The following CFAP65 variants were observed in gnomAD, a reference collection of about 807,000 sequenced individuals.
CFAP65 encodes the protein cilia and flagella associated protein 65.
A neutral mutation model predicts 208.0 loss-of-function variants in CFAP65; 155 were observed. That is an observed-to-expected ratio of 0.75 (90% CI 0.65 to 0.85). CFAP65 has a LOEUF of 0.85. Among genes scored for constraint, CFAP65 ranks in the 40% least tolerant of loss-of-function variants. The probability of loss-of-function intolerance (pLI) is 0.00; values close to 1 mark genes in which losing one functional copy is unlikely to be tolerated. For missense variants in CFAP65, 2,294 were observed against 2,451.3 expected (o/e 0.94, Z 1.36); for synonymous variants, 970 against 986.3 (o/e 0.98, Z 0.31).
chr2:219,027,126 G>A, intron 13 of CFAP65: 1 of 1,105,104 alleles, frequency 9.0e-7, no homozygotes, highest in East Asian at 6.0e-5. Context: ...AGGACTAACG[G>A]ATGAGGAGGG....
At chr2:219,039,552 C>T (rs138523947) in intron 2 of CFAP65, among the ~76,000 whole-genome samples, 280 of 152,332 alleles carry the variant, frequency 1.8e-3, no homozygotes, top group African/African-American at 6.4e-3. Context: ...GAACATGGCA[C>T]TGCCCCCCAA....
At chr2:219,037,347 G>C (rs1187992643) in intron 4 of CFAP65, among the ~76,000 whole-genome samples, 1 of 152,226 alleles carries the variant, frequency 6.6e-6, no homozygotes, top group Non-Finnish European at 1.5e-5. Context: ...AGCTGAGATT[G>C]CACCATTGCA....
chr2:219,010,536 C>T lies in CFAP65; in HGVS notation c.4308+10G>A. 6.2e-7 allele frequency: 1 copy of T among 1,605,618 alleles called. No individual in the cohort carries two copies. Among genetic ancestry groups the T allele is most frequent in the South Asian group, 1.1e-5 (1 of 89,524 alleles). Reference sequence around the variant, plus strand: ...AAGGCCTCAGGCCTTCCTAGCTCCCCTTTCCCCACCTGTCCAGGCACCACC... The same window carrying T: ...AAGGCCTCAGGCCTTCCTAGCTCCCTTTTCCCCACCTGTCCAGGCACCACC... On this transcript the variant is annotated intron_variant, in intron 26 of 34. Transcript: ENST00000341552.
chr2:219,006,353 T>G (rs1945980191), intron 30 of CFAP65, 112 bp downstream of exon 30: 1 of 1,509,294 alleles, frequency 6.6e-7, no homozygotes, highest in African/African-American at 1.4e-5. Flanking sequence ...TCATTGGCAC[T>G]TTCATCCCTC....
In CFAP65 at chr2:219,019,629, C is replaced by A. The variant is rs1323062049; in HGVS notation, c.3350G>T (p.Gly1117Val). ...CTTCCGGGTGATACCCTCAGCACTGCCCATGGAGCTGACATCCAGGATGGA... is the reference window on the plus strand; with the variant it reads ...CTTCCGGGTGATACCCTCAGCACTGACCATGGAGCTGACATCCAGGATGGA... ...LLSILDVSSMGSAEGITRKHL... is the reference protein window; with the variant it reads ...LLSILDVSSMVSAEGITRKHL... The change falls in exon 20 of 35, where the codon GGC becomes GTC. Residue 1117 changes from glycine (G) to valine (V), a missense_variant. By Grantham distance (109) the Gly-to-Val change is moderately radical. Transcript: ENST00000341552. 1 of 1,613,798 alleles carries A rather than the reference C, an allele frequency of 6.2e-7. No homozygotes were observed.
Position 219,023,213 on chromosome 2 carries a change from C to G in CFAP65, c.2814G>C (p.Glu938Asp), listed in dbSNP as rs1364778453. 1 of 1,611,464 alleles carries G rather than the reference C, an allele frequency of 6.2e-7. No homozygotes were observed. The highest frequency in any genetic ancestry group is 1.3e-5 in the African/African-American group (1 of 74,914). Reference protein sequence around the residue: ...QPSRGLIQPNERLTLTWTFSP... With the variant: ...QPSRGLIQPNDRLTLTWTFSP... ...CAGGAGGGGAGCCACTCACAAGTCT[C>G]TCGTTGGGCTGGATTAGCCCCCTGG... The change falls in exon 16 of 35, where the codon GAG (glutamate) becomes GAC (aspartate). Residue 938 changes from glutamate to aspartate, a missense_variant. Around this residue, in one of 2 missense-constraint regions of CFAP65, gnomAD observed 1,427 missense variants for 1,438.7 expected, o/e 0.99. Coordinates refer to ENST00000341552, the MANE Select transcript of CFAP65 (RefSeq NM_194302.4).
rs770748425 is a variant in CFAP65, at chr2:219,030,857, TTGGGGGA to T, written c.1016-30_1016-24del. Reference sequence around the variant, plus strand: ...TGGCTGGGGCAGAGATGGGGGAGTCTTGGGGGAACCCACCAGGGCCTCTGTGGCCCCA... The same window carrying T: ...TGGCTGGGGCAGAGATGGGGGAGTCTACCCACCAGGGCCTCTGTGGCCCCA... On this transcript the variant is annotated intron_variant, in intron 8 of 34. Transcript: ENST00000341552. The T allele has an allele frequency of 7.5e-5, 121 of 1,608,192 alleles. 1 individual carries two copies. The South Asian group carries it at 1.2e-3, about 17-fold the overall frequency.
At chr2:219,021,709 C>T (rs542322168) in intron 18 of CFAP65, 71 bp downstream of exon 18, 112 of 1,541,724 alleles carry the variant, frequency 7.3e-5, no homozygotes, top group Non-Finnish European at 6.2e-5. Flanking sequence ...GTGTGCCCAG[C>T]AGGTTAACCG....
Position 219,013,549 on chromosome 2 carries a change from G to T in CFAP65, c.3816C>A (p.Leu1272=). The change falls in exon 23 of 35, where the codon CTC becomes CTA. Residue 1272 remains leucine (L), a synonymous_variant. Coordinates refer to ENST00000341552, the MANE Select transcript of CFAP65 (RefSeq NM_194302.4). The stretch of plus-strand genomic sequence containing the variant: ...TCTCCCGGCCATGGGACACCTTGAA[G>T]AGCACTGGGAGGTGATCAGTACCGA... ...LFIGTDHLPV[L]FKVSHGREIL... The T allele has an allele frequency of 1.2e-6, 2 of 1,601,448 alleles. No individual in the cohort carries two copies. The highest frequency in any genetic ancestry group is 1.7e-6 in the Non-Finnish European group (2 of 1,175,416).
intron 1 of CFAP65, 119 bp downstream of exon 1, chr2:219,041,369 G>A (rs1948646598): frequency 9.8e-7 from 1 of 1,020,738 alleles, no homozygotes; most frequent in Non-Finnish European, 1.5e-6. Context: ...GAAGGGCATG[G>A]AGGGGACCTC....
At chr2:219,008,415 G>A (rs1386888567) in intron 29 of CFAP65, among the ~76,000 whole-genome samples, 1 of 152,200 alleles carries the variant, frequency 6.6e-6, no homozygotes, top group Non-Finnish European at 1.5e-5. Flanking sequence ...TCTGTCTCCA[G>A]AGCCTGCCCC....
Position 219,010,811 on chromosome 2 carries a change from G to C in CFAP65, c.4143C>G (p.Thr1381=). Reference sequence around the variant, plus strand: ...CATCCAGGTTGCTGCTCACCGTGTAGGTCTTGGCCTCGATAGGTGAGAAGA... The same window carrying C: ...CATCCAGGTTGCTGCTCACCGTGTACGTCTTGGCCTCGATAGGTGAGAAGA... ...LWIFSPIEAK[T]YTVDVPIHIL... is the part of the protein sequence containing the mutation. Residue 1381 remains threonine (T), a synonymous_variant, in exon 25 of 35, where the codon ACC becomes ACG. Transcript: ENST00000341552. The C allele has an allele frequency of 6.2e-7, 1 of 1,606,562 alleles. No individual in the cohort carries two copies.
Position 219,031,925 on chromosome 2 carries a change from CTT to C in CFAP65, c.646-269_646-268del, listed in dbSNP as rs5838715. Among the ~76,000 whole-genome samples the C allele has an allele frequency of 2.3e-3, 306 of 131,350 alleles. 2 individuals carry two copies. Among genetic ancestry groups the C allele is most frequent in the Admixed American group, 3.9e-3 (51 of 13,078 alleles). The allele number at this position is 131,350 out of a possible 152,430, so 86.2% of individuals were successfully genotyped here. A position where few individuals can be genotyped will look rare whatever the true frequency, so the allele number is the denominator to read the frequency against. On this transcript the variant is annotated intron_variant, in intron 6 of 34. Coordinates refer to ENST00000341552, the MANE Select transcript of CFAP65 (RefSeq NM_194302.4). This position sits in a 1 kb window ranked among gnomAD's most constrained non-coding sequence, Gnocchi z 5.2. ...ATGTAGAAGGGGTTTCTTTTCTTTT[CTT>C]TTTTTTTTTTTTTTTTTGAGTCTCG...
intron 27 of CFAP65, among the ~76,000 whole-genome samples, 184 bp from the exon 28 acceptor site, chr2:219,009,644 G>A (rs1946300243): frequency 8.1e-6 from 1 of 123,478 alleles, no homozygotes; most frequent in Non-Finnish European, 1.7e-5. Context: ...GATGGGATGG[G>A]ATGGGATGGG....
intron 19 of CFAP65, among the ~76,000 whole-genome samples, chr2:219,020,383 T>G (rs1034884048): frequency 3.3e-5 from 5 of 151,382 alleles, no homozygotes; most frequent in Non-Finnish European, 7.4e-5. Flanking sequence ...TTATTTAATT[T>G]CATTTCATTT....
At chr2:219,027,310 T>G (rs1300852320) in intron 13 of CFAP65, 1 of 1,434,354 alleles carries the variant, frequency 7.0e-7, no homozygotes, top group Non-Finnish European at 9.1e-7. Context: ...TGACCACTTC[T>G]TAATTCAAGG....
At chr2:219,006,833 CAAAAA>C in intron 29 of CFAP65, among the ~76,000 whole-genome samples, 1 of 76,410 alleles carries the variant, frequency 1.3e-5, no homozygotes. Flanking sequence ...GACTCTGTCT[CAAAAA>C]AAAAAAAAAA....
rs1947395090 is a variant in CFAP65, at chr2:219,023,312, G to T, written c.2715C>A (p.Asn905Lys). 1 of 1,613,060 alleles carries T rather than the reference G, an allele frequency of 6.2e-7. No homozygotes were observed. The highest frequency in any genetic ancestry group is 1.1e-5 in the South Asian group (1 of 90,778). The change falls in exon 16 of 35, where the codon AAC (asparagine) becomes AAA (lysine). Residue 905 changes from asparagine to lysine, a missense_variant. Around this residue, in one of 2 missense-constraint regions of CFAP65, gnomAD observed 1,427 missense variants for 1,438.7 expected, o/e 0.99. Coordinates refer to ENST00000341552, the MANE Select transcript of CFAP65 (RefSeq NM_194302.4). ...CGAACTGCAGGGGCAGACGCGAGGG[G>T]TTGCGGAAGGTGAAGGGGCTGGTGG... ...CSSTSPFTFR[N>K]PSRLPLQFEW... is the part of the protein sequence containing the mutation.
chr2:219,009,279 C>A, intron 28 of CFAP65, 68 bp downstream of exon 28: 1 of 1,452,940 alleles, frequency 6.9e-7, no homozygotes, highest in Non-Finnish European at 9.7e-7. Context: ...TCTCACAGCC[C>A]ATCACACCCC....
Sources: gnomAD v4.1 joint callset for allele counts (sites outside exome capture counted in the v4.1 genomes callset) on GRCh38, gnomAD v4.1.1 for gene constraint, gnomAD v4.1.1 regional missense constraint, Gnocchi (gnomAD v3.1) non-coding constraint, MANE v1.5 for transcripts, NCBI Gene and HGNC (gene_info 2026-07-23, HGNC 2026-07-21) for gene names.